Variants in LRRC52 observed in about 807,000 individuals in gnomAD.
The protein encoded by LRRC52 is leucine-rich repeat-containing protein 52.
In LRRC52, 15 loss-of-function variants were observed where a neutral mutation model predicts 14.7. That is an observed-to-expected ratio of 1.02 (90% confidence interval 0.68 to 1.58). The LOEUF (loss-of-function observed/expected upper bound fraction) is 1.58, where lower values mean the gene tolerates loss of function less well. LRRC52 is among the 40% of genes most tolerant of loss of function. The pLI is 0.00. For missense variants in LRRC52, 400 were observed against 387.7 expected (o/e 1.03, Z -0.27); for synonymous variants, 180 against 163.9 (o/e 1.10, Z -0.75).
intron 1 of LRRC52, among the ~76,000 whole-genome samples, chr1:165,549,757 T>C (rs561274037): frequency 3.3e-5 from 5 of 152,312 alleles, no homozygotes; most frequent in African/African-American, 1.2e-4. Context: ...ACCTCCCCCA[T>C]AGAGGGGTTG....
chr1:165,562,642 G>A (rs1224769099), intron 1 of LRRC52, among the ~76,000 whole-genome samples: 1 of 150,758 alleles, frequency 6.6e-6, no homozygotes, highest in African/African-American at 2.4e-5. Context: ...GCAAGTAACA[G>A]AATCTGGATT....
chr1:165,559,064 T>C (rs903977196), intron 1 of LRRC52, among the ~76,000 whole-genome samples: 9 of 152,144 alleles, frequency 5.9e-5, no homozygotes, highest in African/African-American at 2.2e-4. Flanking sequence ...AATTATAACT[T>C]TGTATGCACC....
At chr1:165,562,509 C>T (rs1661366178) in intron 1 of LRRC52, among the ~76,000 whole-genome samples, 2 of 152,130 alleles carry the variant, frequency 1.3e-5, no homozygotes. Flanking sequence ...ATCACCTGTG[C>T]CTTCTTACCT....
chr1:165,544,212 CCGCCCCA>C lies in LRRC52; in HGVS notation c.-83_-77del. ...TACAGTTCTTTCCAGAGCCCCTCCC[CCGCCCCA>C]CCCCCCCACCGGCAGCCTTCGGATC... On this transcript the variant is annotated 5_prime_UTR_variant, in exon 1 of 2. Coordinates refer to ENST00000294818, the MANE Select transcript of LRRC52 (RefSeq NM_001005214.4). The C allele has an allele frequency of 2.7e-6, 3 of 1,115,176 alleles. No individual in the cohort carries two copies. The highest frequency in any genetic ancestry group is 1.9e-5 in the African/African-American group (1 of 51,750). The allele number at this position is 1,115,176 out of a possible 1,614,324, so 69.1% of individuals were successfully genotyped here.
Position 165,544,208 on chromosome 1 carries a change from T to TCC in LRRC52, c.-85_-84dup. 1 of 448,096 alleles carries TCC rather than the reference T, an allele frequency of 2.2e-6. No individual in the cohort carries two copies. Among genetic ancestry groups the TCC allele is most frequent in the African/African-American group, 2.3e-5 (1 of 42,610 alleles). The allele number at this position is 448,096 out of a possible 1,614,324, so 27.8% of individuals were successfully genotyped here. On this transcript the variant is annotated 5_prime_UTR_variant, in exon 1 of 2. Transcript: ENST00000294818. ...GTGTTACAGTTCTTTCCAGAGCCCC[T>TCC]CCCCCGCCCCACCCCCCCACCGGCA...
In LRRC52 at chr1:165,563,722, G is replaced by T; in HGVS notation, c.840G>T (p.Ser280=). ...AVLYQNTRHK[S]SEEDEDEAGT... is the part of the protein sequence containing the mutation. ...TCTACCAGAACACCCGCCACAAGTC[G>T]AGTGAAGAAGATGAGGACGAGGCCG... The change falls in exon 2 of 2, where the codon TCG becomes TCT. Residue 280 remains serine, a synonymous_variant. Coordinates refer to ENST00000294818, the MANE Select transcript of LRRC52 (RefSeq NM_001005214.4). 2 of 1,614,202 alleles carry T rather than the reference G, an allele frequency of 1.2e-6. No homozygotes were observed. The highest frequency in any genetic ancestry group is 1.7e-6 in the Non-Finnish European group (2 of 1,180,036).
intron 1 of LRRC52, among the ~76,000 whole-genome samples, chr1:165,545,527 T>C (rs1017411045): frequency 1.3e-5 from 2 of 152,158 alleles, no homozygotes; most frequent in Admixed American, 1.3e-4. Context: ...TTGAAGATGC[T>C]GGCCTCCTAT....
intron 1 of LRRC52, among the ~76,000 whole-genome samples, chr1:165,559,298 A>G (rs2101832831): frequency 6.6e-6 from 1 of 152,312 alleles, no homozygotes; most frequent in East Asian, 1.9e-4. Context: ...CTGAGGCAGG[A>G]GAACCACTTG....
intron 1 of LRRC52, 59 bp downstream of exon 1, chr1:165,544,977 G>T: frequency 6.3e-7 from 1 of 1,582,330 alleles, no homozygotes; most frequent in South Asian, 1.2e-5. Context: ...CAGAAAAGGT[G>T]AACTCAAAAG....
At chr1:165,554,353 G>A (rs1314827169) in intron 1 of LRRC52, among the ~76,000 whole-genome samples, 1 of 152,028 alleles carries the variant, frequency 6.6e-6, no homozygotes, top group Admixed American at 6.6e-5. Flanking sequence ...CTCTTGAGGG[G>A]GACGTTAAAG....
At chr1:165,561,843 G>A (rs1357263430) in intron 1 of LRRC52, among the ~76,000 whole-genome samples, 2 of 152,192 alleles carry the variant, frequency 1.3e-5, no homozygotes, top group African/African-American at 4.8e-5. Flanking sequence ...GGCAAGTATT[G>A]GTGTCCGGGT....
At chr1:165,545,189 T>C (rs1401066093) in intron 1 of LRRC52, among the ~76,000 whole-genome samples, 1 of 152,182 alleles carries the variant, frequency 6.6e-6, no homozygotes, top group African/African-American at 2.4e-5. Flanking sequence ...AGCCTCAGTT[T>C]TCTAATCCAT....
intron 1 of LRRC52, among the ~76,000 whole-genome samples, chr1:165,560,968 TG>T (rs1421000832): frequency 1.3e-5 from 2 of 151,646 alleles, no homozygotes; most frequent in African/African-American, 4.9e-5. Context: ...GAGCTGTACT[TG>T]GGGAAGGCAA....
chr1:165,563,433 G>C, intron 1 of LRRC52, 72 bp from the exon 2 acceptor site: 1 of 1,381,048 alleles, frequency 7.2e-7, no homozygotes, highest in Non-Finnish European at 9.9e-7. Flanking sequence ...GGTCCCTCCT[G>C]ATCCCCTTTG....
intron 1 of LRRC52, among the ~76,000 whole-genome samples, chr1:165,561,973 C>A (rs950325129): frequency 6.6e-6 from 1 of 152,316 alleles, no homozygotes; most frequent in Middle Eastern, 3.4e-3. Flanking sequence ...CCTAACTGAA[C>A]CTGATTTTCC....
intron 1 of LRRC52, among the ~76,000 whole-genome samples, chr1:165,553,736 G>A (rs944222444): frequency 6.6e-6 from 1 of 152,290 alleles, no homozygotes; most frequent in African/African-American, 2.4e-5. Flanking sequence ...CTCTGGGACT[G>A]CAGAGAAGGA....
intron 1 of LRRC52, among the ~76,000 whole-genome samples, chr1:165,560,405 A>G (rs904308377): frequency 1.3e-5 from 2 of 152,238 alleles, no homozygotes; most frequent in African/African-American, 4.8e-5. Context: ...CAATTCAGTC[A>G]ATGAATGATA....
At position 165,544,225 on chromosome 1, in the gene LRRC52, C is replaced by CCCCCCGG; in HGVS notation, c.-71_-70insCCCCGGC. ...AGAGCCCCTCCCCCGCCCCACCCCC[C>CCCCCCGG]CACCGGCAGCCTTCGGATCAGAGGA... On this transcript the variant is annotated 5_prime_UTR_variant, in exon 1 of 2. Transcript: ENST00000294818. 1 of 1,388,144 alleles carries CCCCCCGG rather than the reference C, an allele frequency of 7.2e-7. No individual in the cohort carries two copies. Among genetic ancestry groups the CCCCCCGG allele is most frequent in the Middle Eastern group, 2.8e-4 (1 of 3,554 alleles). The allele number at this position is 1,388,144 out of a possible 1,614,324, so 86.0% of individuals were successfully genotyped here.
chr1:165,545,388 A>G (rs1487286326), intron 1 of LRRC52, among the ~76,000 whole-genome samples: 2 of 152,214 alleles, frequency 1.3e-5, no homozygotes, highest in East Asian at 3.8e-4. Flanking sequence ...AAATTCAGTC[A>G]TTCATATAGG....
Sources: allele counts gnomAD v4.1 joint callset (sites outside exome capture counted in the v4.1 genomes callset), GRCh38; gene constraint gnomAD v4.1.1; transcripts MANE v1.5; gene names NCBI Gene and HGNC (gene_info 2026-07-23, HGNC 2026-07-21).